The following BIRC6 variants were observed in gnomAD, a reference collection of about 807,000 sequenced individuals.
BIRC6 encodes the protein dual E2 ubiquitin-conjugating enzyme/E3 ubiquitin-protein ligase BIRC6.
Under a neutral mutation model 503.3 loss-of-function variants are expected in BIRC6, and 98 were observed. The observed-to-expected ratio is 0.19, with a 90% CI of 0.17 to 0.23. BIRC6 has a LOEUF of 0.23. Ranked by LOEUF, BIRC6 falls within the 10% of genes least tolerant of loss-of-function variation. The probability of loss-of-function intolerance (pLI) is 1.00; values close to 1 mark genes in which losing one functional copy is unlikely to be tolerated. For synonymous variants in BIRC6, 2,240 were observed against 2,078.7 expected (o/e 1.08, Z -2.11); for missense variants, 5,360 against 5,806.0 (o/e 0.92, Z 2.50).
At chr2:32,438,826 C>A (rs2045057987) in intron 15 of BIRC6, among the ~76,000 whole-genome samples, 2 of 152,132 alleles carry the variant, frequency 1.3e-5, no homozygotes. Flanking sequence ...TCCCAAAGTG[C>A]TGGGATTACA....
intron 23 of BIRC6, among the ~76,000 whole-genome samples, chr2:32,458,343 A>C (rs182358038): frequency 9.8e-5 from 15 of 152,290 alleles, no homozygotes; most frequent in African/African-American, 3.4e-4. Flanking sequence ...TACCTTTCAC[A>C]GCTTTAGGGA....
At chr2:32,409,039 C>G (rs2041563586) in intron 9 of BIRC6, among the ~76,000 whole-genome samples, 1 of 152,076 alleles carries the variant, frequency 6.6e-6, no homozygotes, top group South Asian at 2.1e-4. Flanking sequence ...TGATAAGGTA[C>G]CATTTCAGAC....
intron 10 of BIRC6, among the ~76,000 whole-genome samples, chr2:32,419,112 A>G (rs1452847658): frequency 1.3e-5 from 2 of 152,202 alleles, no homozygotes; most frequent in Non-Finnish European, 2.9e-5. Flanking sequence ...ATGAGCTCCT[A>G]ATTCTTCAGG....
At chr2:32,591,027 C>G (rs1427051050) in intron 66 of BIRC6, 1 of 957,414 alleles carries the variant, frequency 1.0e-6, no homozygotes, top group African/African-American at 1.8e-5. Flanking sequence ...TGACAGTAAC[C>G]TGCAACTTTT....
At chr2:32,399,196 G>A (rs994651851) in intron 6 of BIRC6, among the ~76,000 whole-genome samples, 16 of 151,828 alleles carry the variant, frequency 1.1e-4, no homozygotes, top group African/African-American at 3.1e-4. Context: ...AGAGAGTCTC[G>A]TGCCTCAGTT....
intron 73 of BIRC6, among the ~76,000 whole-genome samples, chr2:32,612,076 C>G (rs1380919364): frequency 6.6e-6 from 1 of 152,120 alleles, no homozygotes; most frequent in Non-Finnish European, 1.5e-5. Context: ...GAGATGGGGT[C>G]TCACCCTGTT....
At chr2:32,525,671 C>T in intron 59 of BIRC6, 43 bp downstream of exon 59, 1 of 1,561,578 alleles carries the variant, frequency 6.4e-7, no homozygotes, top group Non-Finnish European at 8.7e-7. Context: ...ATTTTAGTAG[C>T]CTTAAAACTA....
chr2:32,501,070 C>T (rs1457861454), intron 46 of BIRC6, among the ~76,000 whole-genome samples: 2 of 152,200 alleles, frequency 1.3e-5, no homozygotes, highest in East Asian at 3.9e-4. Context: ...TGACACAAAC[C>T]AGTGTTAAAT....
At chr2:32,601,831 C>T (rs1379100221) in intron 70 of BIRC6, among the ~76,000 whole-genome samples, 1 of 151,960 alleles carries the variant, frequency 6.6e-6, no homozygotes, top group Non-Finnish European at 1.5e-5. Context: ...TTGAGGAACC[C>T]TGGGAAGCCT....
chr2:32,438,437 A>C (rs1358780225), intron 15 of BIRC6, among the ~76,000 whole-genome samples: 1 of 152,146 alleles, frequency 6.6e-6, no homozygotes, highest in African/African-American at 2.4e-5. Flanking sequence ...ATAGACTGAT[A>C]GTTTGCTGGC....
rs1033576637 is a variant in BIRC6, at chr2:32,460,584, A to G, written c.4754-2610A>G. On this transcript the variant is annotated intron_variant, in intron 23 of 73. Coordinates refer to ENST00000421745, the MANE Select transcript of BIRC6 (RefSeq NM_016252.4). ...CAGGCACCATGCCTGGCCCAGCCCT[A>G]TATTTTTTTATAACTAGAGTTTTTG... 1.8e-4 allele frequency among the ~76,000 whole-genome samples: 28 copies of G among 151,942 alleles called. 1 individual carries two copies. In the East Asian group the frequency reaches 5.3e-3, roughly 29 times the overall value.
chr2:32,505,587 G>C (rs1048571076), intron 50 of BIRC6, among the ~76,000 whole-genome samples: 1 of 152,120 alleles, frequency 6.6e-6, no homozygotes, highest in Non-Finnish European at 1.5e-5. Context: ...GCATAGATTT[G>C]TGTGCCTGCC....
intron 9 of BIRC6, among the ~76,000 whole-genome samples, chr2:32,413,399 C>T (rs964843895): frequency 1.3e-5 from 2 of 152,082 alleles, no homozygotes; most frequent in South Asian, 2.1e-4. Context: ...AGGCTGGTCT[C>T]AAACTCCCGG....
intron 65 of BIRC6, among the ~76,000 whole-genome samples, chr2:32,563,062 A>G (rs559831039): frequency 2.0e-5 from 3 of 152,222 alleles, no homozygotes; most frequent in East Asian, 1.9e-4. Flanking sequence ...TGGCTATGCT[A>G]CGTATTTTGC....
chr2:32,445,035 C>T lies in BIRC6; in HGVS notation c.4337-486C>T, dbSNP rs552870876. Reference sequence around the variant, plus strand: ...TCTTTTAAGCAATGTCGATCTGTACCTAACGCATTATAGAATAATTTTATT... The same window carrying T: ...TCTTTTAAGCAATGTCGATCTGTACTTAACGCATTATAGAATAATTTTATT... On this transcript the variant is annotated intron_variant, in intron 20 of 73. Transcript: ENST00000421745. Among the ~76,000 whole-genome samples, 79 of 152,274 alleles carry T rather than the reference C, an allele frequency of 5.2e-4. 1 individual carries two copies. The highest frequency in any genetic ancestry group is 1.8e-3 in the African/African-American group (76 of 41,558).
At chr2:32,606,355 A>G (rs541482046) in intron 71 of BIRC6, among the ~76,000 whole-genome samples, 1 of 152,104 alleles carries the variant, frequency 6.6e-6, no homozygotes, top group African/African-American at 2.4e-5. Context: ...TGGGAGGCCA[A>G]GGTGGGCAGA....
At chr2:32,576,334 T>G (rs2060262422) in intron 66 of BIRC6, among the ~76,000 whole-genome samples, 1 of 152,246 alleles carries the variant, frequency 6.6e-6, no homozygotes, top group Non-Finnish European at 1.5e-5. Flanking sequence ...ATTCAGAGGA[T>G]GAGTTCTGTC....
At chr2:32,616,390 T>G (rs2063240529) in intron 73 of BIRC6, among the ~76,000 whole-genome samples, 1 of 151,744 alleles carries the variant, frequency 6.6e-6, no homozygotes, top group Non-Finnish European at 1.5e-5. Context: ...AAACCCCGTC[T>G]CTACCAAAAA....
chr2:32,369,945 A>AAAAAAAAAATATAT (rs1553373676), intron 1 of BIRC6, among the ~76,000 whole-genome samples: 1 of 44,222 alleles, frequency 2.3e-5, no homozygotes, highest in Non-Finnish European at 3.6e-5. Flanking sequence ...AAAAAAAAAA[A>AAAAAAAAAATATAT]ATATATATAT....
Sources: allele counts gnomAD v4.1 joint callset (sites outside exome capture counted in the v4.1 genomes callset), GRCh38; gene constraint gnomAD v4.1.1; transcripts MANE v1.5; gene names NCBI Gene and HGNC (gene_info 2026-07-23, HGNC 2026-07-21).